The following FSTL4 variants were observed in gnomAD, a reference collection of about 807,000 sequenced individuals.
The protein encoded by FSTL4 is follistatin like 4, also known as follistatin-related protein 4.
FSTL4 carries 28 observed loss-of-function variants against 78.2 expected under a neutral mutation model. That is an observed-to-expected ratio of 0.36 (90% CI 0.27 to 0.49). The LOEUF is 0.49. Ranked by LOEUF, FSTL4 falls within the 20% of genes least tolerant of loss-of-function variation. The pLI is 0.98. For missense variants in FSTL4, 922 were observed against 1,084.9 expected (o/e 0.85, Z 2.11); for synonymous variants, 422 against 440.5 (o/e 0.96, Z 0.53).
chr5:133,597,070 G>A (rs150508910), intron 2 of FSTL4, among the ~76,000 whole-genome samples: 21 of 123,872 alleles, frequency 1.7e-4, no homozygotes, highest in African/African-American at 5.1e-4. Flanking sequence ...TCTCGGTGTC[G>A]CCTGCTCAGA....
rs201066024 is a variant in FSTL4, at chr5:133,249,371, A to C, written c.894+39T>G. 3 of 1,547,360 alleles carry C rather than the reference A, an allele frequency of 1.9e-6. No homozygotes were observed. The Admixed American group carries it at 5.0e-5, about 26-fold the overall frequency. ...TCTTACCCAGTGTACTCTCCCAGGG[A>C]GGTGCGCTTGAGCTCAGAGTGAATT... On this transcript the variant is annotated intron_variant, in intron 7 of 15. Transcript: ENST00000265342.
intron 3 of FSTL4, among the ~76,000 whole-genome samples, chr5:133,495,466 A>C (rs1289873710): frequency 6.6e-6 from 1 of 152,264 alleles, no homozygotes; most frequent in Non-Finnish European, 1.5e-5. Flanking sequence ...GATAATCCAA[A>C]TAACTGAGCT....
intron 6 of FSTL4, among the ~76,000 whole-genome samples, chr5:133,263,904 G>A (rs979888576): frequency 1.3e-5 from 2 of 152,234 alleles, no homozygotes; most frequent in Non-Finnish European, 2.9e-5. Flanking sequence ...CAGAGACCTT[G>A]TGCATTGTGA....
At chr5:133,555,418 G>A (rs569623247) in intron 3 of FSTL4, among the ~76,000 whole-genome samples, 250 of 152,208 alleles carry the variant, frequency 1.6e-3, no homozygotes, top group Non-Finnish European at 3.0e-3. Flanking sequence ...TGTGTGACCC[G>A]GGGCAAGTCC....
chr5:133,576,289 C>A (rs1580799791), intron 2 of FSTL4, among the ~76,000 whole-genome samples: 1 of 152,232 alleles, frequency 6.6e-6, no homozygotes, highest in Non-Finnish European at 1.5e-5. Context: ...ATGGTGAGGC[C>A]CTGCCCCAGA....
chr5:133,751,046 C>T, the FSTL4 span, among the ~76,000 whole-genome samples: 1 of 152,200 alleles, frequency 6.6e-6, no homozygotes, highest in Non-Finnish European at 1.5e-5. Context: ...AAGGCCCTCC[C>T]ATCCTTCGCC....
chr5:133,601,891 C>T (rs2112977889), intron 2 of FSTL4, among the ~76,000 whole-genome samples: 1 of 151,744 alleles, frequency 6.6e-6, no homozygotes, highest in South Asian at 2.1e-4. Flanking sequence ...GCTATGTTGC[C>T]CAGGCTGGTC....
At chr5:133,733,688 C>T in the FSTL4 span, among the ~76,000 whole-genome samples, 2 of 152,222 alleles carry the variant, frequency 1.3e-5, no homozygotes, top group Non-Finnish European at 2.9e-5. Context: ...CACTGCATGA[C>T]AAATTACTCC....
chr5:133,841,904 G>T, the FSTL4 span, among the ~76,000 whole-genome samples: 1 of 152,220 alleles, frequency 6.6e-6, no homozygotes, highest in East Asian at 1.9e-4. Flanking sequence ...GCTAAGCAGG[G>T]CTGCCAAGCA....
chr5:133,794,879 C>T, the FSTL4 span, among the ~76,000 whole-genome samples: 5 of 152,144 alleles, frequency 3.3e-5, no homozygotes, highest in African/African-American at 1.2e-4. Flanking sequence ...TGAGCCATTC[C>T]TGGACCTCTC....
intron 4 of FSTL4, among the ~76,000 whole-genome samples, chr5:133,333,122 G>A (rs1228037780): frequency 6.6e-6 from 1 of 152,276 alleles, no homozygotes; most frequent in East Asian, 1.9e-4. Flanking sequence ...ACATGTGGCG[G>A]CAGCTCAGCC....
intron 6 of FSTL4, among the ~76,000 whole-genome samples, chr5:133,288,034 A>G (rs1753177149): frequency 6.6e-6 from 1 of 152,224 alleles, no homozygotes; most frequent in Non-Finnish European, 1.5e-5. Context: ...CAGTCATCTC[A>G]TCTGTAAACT....
Position 133,225,383 on chromosome 5 carries a change from G to C in FSTL4, c.1178-99C>G. On this transcript the variant is annotated intron_variant, in intron 9 of 15. Transcript: ENST00000265342. The surrounding 1 kb of genome is among the most constrained non-coding windows in gnomAD (Gnocchi z 4.6). ...GAGTGTTAGGGCTGCCCAGCCCCTG[G>C]GCAGCCAGCAGCCCTGATTATACGC... 6.9e-7 allele frequency: 1 copy of C among 1,440,116 alleles called. No individual in the cohort carries two copies. The highest frequency in any genetic ancestry group is 2.3e-5 in the East Asian group (1 of 43,826). The allele number at this position is 1,440,116 out of a possible 1,614,324, so 89.2% of individuals were successfully genotyped here.
At chr5:133,665,051 G>A in the FSTL4 span, among the ~76,000 whole-genome samples, 2 of 152,148 alleles carry the variant, frequency 1.3e-5, no homozygotes, top group Non-Finnish European at 2.9e-5. Context: ...AATTGTCCAT[G>A]AGCATAGGGT....
intron 3 of FSTL4, among the ~76,000 whole-genome samples, chr5:133,491,007 G>A (rs1208902981): frequency 1.3e-5 from 2 of 152,120 alleles, no homozygotes; most frequent in Admixed American, 6.5e-5. Context: ...TCTTTACTAT[G>A]CTGTTTACCT....
rs529613281 is a variant in FSTL4, at chr5:133,359,445, A to C, written c.409+41293T>G. Among the ~76,000 whole-genome samples the C allele has an allele frequency of 2.0e-5, 3 of 152,366 alleles. No homozygotes were observed. In the East Asian group the frequency reaches 5.8e-4, roughly 29 times the overall value. On this transcript the variant is annotated intron_variant, in intron 4 of 15. Transcript: ENST00000265342. ...AGCCAAGGAAATGAGGCCAGACACA[A>C]AAGAGTACTTACAAGAAGTTTTAGA... is the stretch of plus-strand genomic sequence containing the variant.
At chr5:133,663,593 T>A in the FSTL4 span, among the ~76,000 whole-genome samples, 3 of 152,250 alleles carry the variant, frequency 2.0e-5, no homozygotes, top group Non-Finnish European at 4.4e-5. Flanking sequence ...GTTCAATTGC[T>A]GCACACGTGG....
At chr5:133,834,414 A>G in the FSTL4 span, among the ~76,000 whole-genome samples, 2 of 152,190 alleles carry the variant, frequency 1.3e-5, no homozygotes, top group African/African-American at 4.8e-5. Flanking sequence ...ACTAAAGGTA[A>G]GGAATGATAT....
chr5:133,679,907 T>A, the FSTL4 span, among the ~76,000 whole-genome samples: 1 of 152,070 alleles, frequency 6.6e-6, no homozygotes, highest in Non-Finnish European at 1.5e-5. Context: ...TAGCTTCCTG[T>A]CACTACTCTC....
Sources: allele counts gnomAD v4.1 joint callset (sites outside exome capture counted in the v4.1 genomes callset), GRCh38; gene constraint gnomAD v4.1.1; non-coding constraint Gnocchi (gnomAD v3.1); transcripts MANE v1.5; gene names NCBI Gene and HGNC (gene_info 2026-07-23, HGNC 2026-07-21).